The following CHCHD3 variants were observed in gnomAD, a reference collection of about 807,000 sequenced individuals.
The protein encoded by CHCHD3 is MICOS complex subunit MIC19.
CHCHD3 carries 20 observed loss-of-function variants against 38.2 expected under a neutral mutation model. That is an observed-to-expected ratio of 0.52 (90% CI 0.37 to 0.76). The LOEUF (loss-of-function observed/expected upper bound fraction) is 0.76, where lower values mean the gene tolerates loss of function less well. CHCHD3 is among the 30% of genes least tolerant of loss of function. The pLI is 0.00. For synonymous variants in CHCHD3, 82 were observed against 100.0 expected (o/e 0.82, Z 1.07); for missense variants, 245 against 279.2 (o/e 0.88, Z 0.87).
chr7:132,979,255 T>C (rs1410963416), intron 3 of CHCHD3, among the ~76,000 whole-genome samples: 1 of 152,218 alleles, frequency 6.6e-6, no homozygotes, highest in Non-Finnish European at 1.5e-5. Context: ...CCCAGCTTGA[T>C]ACTGTTATAA....
intron 4 of CHCHD3, chr7:132,972,830 A>G (rs1270074742): frequency 2.0e-6 from 2 of 984,946 alleles, no homozygotes; most frequent in Non-Finnish European, 2.4e-6. Flanking sequence ...TATACCACAC[A>G]ACCAGAATCT....
intron 5 of CHCHD3, among the ~76,000 whole-genome samples, chr7:132,863,929 T>TA (rs1808552282): frequency 6.6e-6 from 1 of 152,218 alleles, no homozygotes; most frequent in African/African-American, 2.4e-5. Flanking sequence ...GGCTGTGGCT[T>TA]AAGGGAATGT....
chr7:132,890,426 C>T (rs563616752), intron 4 of CHCHD3, among the ~76,000 whole-genome samples: 4 of 152,276 alleles, frequency 2.6e-5, no homozygotes, highest in Non-Finnish European at 4.4e-5. Context: ...ACACACTTTT[C>T]GGCATTACTA....
At chr7:132,964,114 G>A (rs1044955562) in intron 4 of CHCHD3, among the ~76,000 whole-genome samples, 1 of 152,120 alleles carries the variant, frequency 6.6e-6, no homozygotes, top group African/African-American at 2.4e-5. Context: ...AATTCACTAC[G>A]AGTAGACACT....
intron 4 of CHCHD3, among the ~76,000 whole-genome samples, chr7:132,901,175 C>T (rs960934805): frequency 6.6e-6 from 1 of 152,162 alleles, no homozygotes; most frequent in African/African-American, 2.4e-5. Flanking sequence ...TTCTTGAAAA[C>T]CTTCAGCCTC....
intron 3 of CHCHD3, among the ~76,000 whole-genome samples, chr7:133,010,270 T>C (rs1812827996): frequency 6.6e-6 from 1 of 152,060 alleles, no homozygotes; most frequent in Non-Finnish European, 1.5e-5. Context: ...TAGCCTTGGA[T>C]CCTGGAGGGG....
chr7:132,921,968 G>A (rs1204459550), intron 4 of CHCHD3, among the ~76,000 whole-genome samples: 2 of 152,204 alleles, frequency 1.3e-5, no homozygotes, highest in African/African-American at 4.8e-5. Context: ...GACTACCCAA[G>A]GATTCACGGC....
At chr7:132,992,633 T>G (rs1231635958) in intron 3 of CHCHD3, among the ~76,000 whole-genome samples, 1 of 152,140 alleles carries the variant, frequency 6.6e-6, no homozygotes, top group Non-Finnish European at 1.5e-5. Flanking sequence ...GAAAATAAAT[T>G]TTATACTCCT....
chr7:133,034,508 CTTTTTTTTTTTT>C (rs146912120), intron 2 of CHCHD3: 1 of 283,228 alleles, frequency 3.5e-6, no homozygotes, highest in African/African-American at 3.8e-5. Flanking sequence ...TGGATCCAGT[CTTTTTTTTTTTT>C]TTTTTTTTTT....
intron 4 of CHCHD3, among the ~76,000 whole-genome samples, chr7:132,890,590 T>A (rs2117183433): frequency 6.6e-6 from 1 of 152,222 alleles, no homozygotes; most frequent in East Asian, 1.9e-4. Context: ...TTCTGTGCTA[T>A]GGGCAAAGCT....
chr7:133,035,014 G>A lies in CHCHD3; in HGVS notation c.170-10387C>T, dbSNP rs1472629137. On this transcript the variant is annotated intron_variant, in intron 2 of 7. Transcript: ENST00000262570. This position sits in a 1 kb window ranked among gnomAD's most constrained non-coding sequence, Gnocchi z 4.7. ...CAGAAATATGGCAGTGCCACAGAGA[G>A]TGTGTCCTCATTGGAGTACTTGCGC... 1 of 1,612,202 alleles carries A rather than the reference G, an allele frequency of 6.2e-7. No individual in the cohort carries two copies. The highest frequency in any genetic ancestry group is 8.5e-7 in the Non-Finnish European group (1 of 1,179,094).
chr7:133,061,237 G>A (rs10246247), intron 2 of CHCHD3, among the ~76,000 whole-genome samples: 45,327 of 151,756 alleles, frequency 0.3, 7,434 homozygotes, highest in Non-Finnish European at 0.38. Context: ...AGAATAGACC[G>A]GGGAATGCAA....
At chr7:133,004,130 T>C (rs1037143788) in intron 3 of CHCHD3, among the ~76,000 whole-genome samples, 2 of 152,086 alleles carry the variant, frequency 1.3e-5, no homozygotes, top group African/African-American at 4.8e-5. Flanking sequence ...TTTGTTTTTG[T>C]TTTTGTTTTT....
rs573733716 is a variant in CHCHD3, at chr7:132,901,014, A to G, written c.370-15269T>C. Among the ~76,000 whole-genome samples, 11 of 152,316 alleles carry G rather than the reference A, an allele frequency of 7.2e-5. No homozygotes were observed. In the East Asian group the frequency reaches 2.1e-3, roughly 29 times the overall value. On this transcript the variant is annotated intron_variant, in intron 4 of 7. Coordinates refer to ENST00000262570, the MANE Select transcript of CHCHD3 (RefSeq NM_017812.4). ...TCAAAAAACAAAAAACAGAGAGAGA[A>G]AAAAAGAAAAATAGAATTTGGAAAA...
chr7:132,977,273 C>A (rs1811791745), intron 3 of CHCHD3, among the ~76,000 whole-genome samples: 1 of 152,244 alleles, frequency 6.6e-6, no homozygotes, highest in Admixed American at 6.5e-5. Flanking sequence ...TTCCATCCCA[C>A]ACTTGCTGAA....
intron 2 of CHCHD3, among the ~76,000 whole-genome samples, 191 bp downstream of exon 2, chr7:133,069,951 G>A (rs1357216924): frequency 2.6e-5 from 4 of 152,120 alleles, no homozygotes; most frequent in Admixed American, 1.3e-4. Context: ...TTCAAAGACT[G>A]TTTGAAAATA....
intron 6 of CHCHD3, among the ~76,000 whole-genome samples, chr7:132,836,419 G>A (rs1449278163): frequency 2.7e-5 from 4 of 150,902 alleles, no homozygotes; most frequent in East Asian, 2.0e-4. Context: ...CACGCCTGGC[G>A]CCATGTCTAA....
chr7:133,056,400 C>T (rs1485352429), intron 2 of CHCHD3, among the ~76,000 whole-genome samples: 1 of 152,120 alleles, frequency 6.6e-6, no homozygotes, highest in Non-Finnish European at 1.5e-5. Flanking sequence ...CCACCAATTC[C>T]ATCATGTCTG....
chr7:132,913,730 C>G (rs1393973692), intron 4 of CHCHD3, among the ~76,000 whole-genome samples: 1 of 152,084 alleles, frequency 6.6e-6, no homozygotes, highest in Non-Finnish European at 1.5e-5. Flanking sequence ...CCACAGGGGG[C>G]TCAGGCCAGG....
Sources: gnomAD v4.1 joint callset for allele counts (sites outside exome capture counted in the v4.1 genomes callset) on GRCh38, gnomAD v4.1.1 for gene constraint, Gnocchi (gnomAD v3.1) non-coding constraint, MANE v1.5 for transcripts, NCBI Gene and HGNC (gene_info 2026-07-23, HGNC 2026-07-21) for gene names.